The following YME1L1 variants were observed in gnomAD, a reference collection of about 807,000 sequenced individuals.
YME1L1 encodes YME1 like 1 ATPase.
In YME1L1, 39 loss-of-function variants were observed where a neutral mutation model predicts 90.4. That is an observed-to-expected ratio of 0.43 (90% CI 0.33 to 0.56). The LOEUF (loss-of-function observed/expected upper bound fraction) is 0.56. Among genes scored for constraint, YME1L1 ranks in the 20% least tolerant of loss-of-function variants. YME1L1 has a pLI of 0.03. For synonymous variants in YME1L1, 284 were observed against 287.3 expected, an observed-to-expected ratio of 0.99 and a Z score of 0.12; for missense variants, 617 against 868.4, an observed-to-expected ratio of 0.71 and a Z score of 3.64.
chr10:27,128,626 T>C (rs934123026), intron 8 of YME1L1, among the ~76,000 whole-genome samples: 1 of 151,620 alleles, frequency 6.6e-6, no homozygotes, highest in Non-Finnish European at 1.5e-5. Flanking sequence ...ATAAATCAGC[T>C]GGGCTTGGTG....
At chr10:27,145,664 G>A in intron 2 of YME1L1, 74 bp from the exon 3 acceptor site, 1 of 1,208,370 alleles carries the variant, frequency 8.3e-7, no homozygotes, top group Non-Finnish European at 1.1e-6. Context: ...CATATTATCA[G>A]TTAAAACAAT....
intron 7 of YME1L1, among the ~76,000 whole-genome samples, chr10:27,132,843 A>T (rs1039133449): frequency 7.9e-5 from 12 of 152,156 alleles, no homozygotes; most frequent in Non-Finnish European, 1.6e-4. Flanking sequence ...GAAATAAAAT[A>T]AAAAAATAAA....
intron 4 of YME1L1, 51 bp downstream of exon 4, chr10:27,142,336 T>C: frequency 9.4e-7 from 1 of 1,067,176 alleles, no homozygotes; most frequent in East Asian, 2.8e-5. Context: ...CAAATCAGAC[T>C]ATAGTAAATA....
chr10:27,124,351 G>A lies in YME1L1; in HGVS notation c.950-652C>T, dbSNP rs183916384. On this transcript the variant is annotated intron_variant, in intron 9 of 18. Coordinates refer to ENST00000376016, the MANE Select transcript of YME1L1 (RefSeq NM_014263.4). The stretch of plus-strand genomic sequence containing the variant: ...TGTTGAGTCTAAGTGGATAGGATAT[G>A]GATGTTAATTGTACTGTTCTTTCAA... Among the ~76,000 whole-genome samples the A allele has an allele frequency of 2.1e-3, 323 of 152,248 alleles. 1 individual carries two copies. The highest frequency in any genetic ancestry group is 7.4e-3 in the African/African-American group (306 of 41,550).
rs904885664 is a variant in YME1L1, at chr10:27,134,826, C to T, written c.691+5G>A. 1 of 1,613,400 alleles carries T rather than the reference C, an allele frequency of 6.2e-7. No homozygotes were observed. The highest frequency in any genetic ancestry group is 1.3e-5 in the African/African-American group (1 of 74,896). The stretch of plus-strand genomic sequence containing the variant: ...TCAAACACGGATGGTGTCAATTCAA[C>T]TTACCATTGGTTTTTTGTGTGAGTG... On this transcript the variant is annotated splice_donor_5th_base_variant and intron_variant, in intron 6 of 18. Transcript: ENST00000376016.
chr10:27,122,704 GT>G (rs1210977963), intron 11 of YME1L1, 136 bp downstream of exon 11: 1 of 1,202,888 alleles, frequency 8.3e-7, no homozygotes, highest in African/African-American at 1.5e-5. Context: ...GGACTACTCT[GT>G]TTCCTATACA....
chr10:27,132,569 C>A (rs1293508202), intron 7 of YME1L1, among the ~76,000 whole-genome samples: 1 of 151,936 alleles, frequency 6.6e-6, no homozygotes, highest in African/African-American at 2.4e-5. Flanking sequence ...CACCTGTAAT[C>A]CCAGCACTTT....
chr10:27,141,225 G>A (rs1051084375), intron 4 of YME1L1, among the ~76,000 whole-genome samples: 4 of 152,076 alleles, frequency 2.6e-5, no homozygotes, highest in African/African-American at 4.8e-5. Flanking sequence ...GTGAAACCCC[G>A]TCTCTACTAA....
intron 8 of YME1L1, among the ~76,000 whole-genome samples, chr10:27,131,271 T>A (rs1295611270): frequency 1.3e-5 from 2 of 152,214 alleles, no homozygotes; most frequent in South Asian, 4.1e-4. Context: ...CACATATCAG[T>A]GTCCAATTAC....
chr10:27,129,115 T>TAAA (rs1554805110), intron 8 of YME1L1: 6 of 100,050 alleles, frequency 6.0e-5, no homozygotes, highest in Admixed American at 1.1e-4. Context: ...AAAAAAAAAC[T>TAAA]CTCATTCCAA....
chr10:27,122,777 A>G (rs989461731), intron 11 of YME1L1, 64 bp downstream of exon 11: 30 of 1,594,986 alleles, frequency 1.9e-5, no homozygotes, highest in African/African-American at 6.7e-5. Context: ...CATAAGATCA[A>G]TTCTACGTAT....
intron 9 of YME1L1, among the ~76,000 whole-genome samples, 177 bp from the exon 10 acceptor site, chr10:27,123,876 C>A (rs944513414): frequency 7.0e-6 from 1 of 142,608 alleles, no homozygotes; most frequent in Non-Finnish European, 1.5e-5. Context: ...ACTTCAGAAT[C>A]TTGTCCAAAA....
At chr10:27,145,041 C>T (rs577873486) in intron 3 of YME1L1, among the ~76,000 whole-genome samples, 4 of 151,786 alleles carry the variant, frequency 2.6e-5, no homozygotes, top group African/African-American at 7.3e-5. Context: ...CTTGGGAGGC[C>T]GAGGCAAGAG....
chr10:27,147,789 T>C, intron 2 of YME1L1: 1 of 1,388,288 alleles, frequency 7.2e-7, no homozygotes, highest in South Asian at 1.4e-5. Context: ...CACCAAACCC[T>C]GGCTCCTGGC....
chr10:27,114,049 T>G (rs1246945056), intron 18 of YME1L1, among the ~76,000 whole-genome samples: 5 of 151,976 alleles, frequency 3.3e-5, no homozygotes, highest in Non-Finnish European at 7.4e-5. Flanking sequence ...GCAGCTAAAG[T>G]ACAATTGAAT....
intron 1 of YME1L1, among the ~76,000 whole-genome samples, chr10:27,153,849 A>G (rs991785027): frequency 1.3e-5 from 2 of 152,216 alleles, no homozygotes; most frequent in Non-Finnish European, 2.9e-5. Flanking sequence ...TATGGTACAG[A>G]CATTTTCCCA....
intron 8 of YME1L1, among the ~76,000 whole-genome samples, chr10:27,131,432 C>T (rs562725696): frequency 9.7e-4 from 147 of 152,240 alleles, no homozygotes; most frequent in African/African-American, 3.3e-3. Flanking sequence ...AAGAAATATA[C>T]ATTGTCTAAC....
At chr10:27,125,872 C>T (rs1370948286) in intron 9 of YME1L1, among the ~76,000 whole-genome samples, 2 of 151,830 alleles carry the variant, frequency 1.3e-5, no homozygotes, top group Non-Finnish European at 2.9e-5. Context: ...TCCAATGGCC[C>T]CTGGTTCAAG....
rs149072823 is a variant in YME1L1, at chr10:27,136,699, CTTTATTTATTTATTTATTTATTTA to C, written c.431-338_431-315del. Among the ~76,000 whole-genome samples the C allele has an allele frequency of 7.2e-4, 105 of 145,518 alleles. 1 individual carries two copies. Among genetic ancestry groups the C allele is most frequent in the Middle Eastern group, 3.5e-3 (1 of 282 alleles). The stretch of plus-strand genomic sequence containing the variant: ...TCTATCCTCCTTTTTTCAAAAGGAA[CTTTATTTATTTATTTATTTATTTA>C]TTTATTTATTTATTTATTTATTTGA... On this transcript the variant is annotated intron_variant, in intron 4 of 18. Coordinates refer to ENST00000376016, the MANE Select transcript of YME1L1 (RefSeq NM_014263.4).
Sources: allele counts gnomAD v4.1 joint callset (sites outside exome capture counted in the v4.1 genomes callset), GRCh38; gene constraint gnomAD v4.1.1; transcripts MANE v1.5; gene names NCBI Gene and HGNC (gene_info 2026-07-23, HGNC 2026-07-21).